KDM1B: variants seen among roughly 807,000 people sequenced by gnomAD.
KDM1B encodes lysine demethylase 1B.
In KDM1B, 63 loss-of-function variants were observed where a neutral mutation model predicts 107.4. The observed-to-expected ratio is 0.59, with a 90% CI of 0.48 to 0.72. The LOEUF (loss-of-function observed/expected upper bound fraction) is 0.72, where lower values mean the gene tolerates loss of function less well. Ranked by LOEUF, KDM1B falls within the 30% of genes least tolerant of loss-of-function variation. The probability of loss-of-function intolerance (pLI) is 0.00; values close to 1 mark genes in which losing one functional copy is unlikely to be tolerated. For synonymous variants in KDM1B, 363 were observed against 363.9 expected (o/e 1.00, Z 0.03); for missense variants, 749 against 1,020.8 (o/e 0.73, Z 3.63).
At position 18,174,585 on chromosome 6, in the gene KDM1B, G is replaced by A. The variant is rs148602655; in HGVS notation, c.534+3106G>A. ...ACCCGAGCAGTATACACTGCACCCT[G>A]TTTGTAGCCGTTTGTCCCTAGCCCC... is the stretch of plus-strand genomic sequence containing the variant. On this transcript the variant is annotated intron_variant, in intron 7 of 21. Transcript: ENST00000650836. Among the ~76,000 whole-genome samples the A allele has an allele frequency of 1.4e-3, 219 of 152,230 alleles. 2 individuals carry two copies. Among genetic ancestry groups the A allele is most frequent in the Middle Eastern group, 0.01 (3 of 294 alleles).
In KDM1B at chr6:18,166,396, C is replaced by A; in HGVS notation, c.417+18C>A. On this transcript the variant is annotated intron_variant, in intron 6 of 21. Transcript: ENST00000650836. ...CCTACTGGGTAAGGAGAGTGATGCTCTCTGTCTGTGAAGTATTTGTGGAGC... is the reference window on the plus strand; with the variant it reads ...CCTACTGGGTAAGGAGAGTGATGCTATCTGTCTGTGAAGTATTTGTGGAGC... 1 of 1,421,274 alleles carries A rather than the reference C, an allele frequency of 7.0e-7. No homozygotes were observed. The highest frequency in any genetic ancestry group is 1.0e-6 in the Non-Finnish European group (1 of 1,004,830). The allele number at this position is 1,421,274 out of a possible 1,614,324, so 88.0% of individuals were successfully genotyped here.
chr6:18,158,361 TC>T (rs1422467257), intron 2 of KDM1B, among the ~76,000 whole-genome samples: 1 of 143,488 alleles, frequency 7.0e-6, no homozygotes, highest in Admixed American at 6.9e-5. Context: ...AGGAAAATCA[TC>T]CGTAACATTG....
rs1788061473 is a variant in KDM1B, at chr6:18,201,962, CAT to C, written c.1531+306_1531+307del. Among the ~76,000 whole-genome samples, 1 of 152,138 alleles carries C rather than the reference CAT, an allele frequency of 6.6e-6. No individual in the cohort carries two copies. The highest frequency in any genetic ancestry group is 1.5e-5 in the Non-Finnish European group (1 of 68,018). ...CCAGAGTAGCTTACTTTTATGGGAA[CAT>C]GTGGTAAGCCCTGTGTGATAAATCA... On this transcript the variant is annotated intron_variant, in intron 14 of 21. Coordinates refer to ENST00000650836, the MANE Select transcript of KDM1B (RefSeq NM_001364614.2). The surrounding 1 kb of genome is among the most constrained non-coding windows in gnomAD (Gnocchi z 4.3).
Position 18,202,637 on chromosome 6 carries a change from T to C in KDM1B, c.1531+980T>C, listed in dbSNP as rs912173225. Among the ~76,000 whole-genome samples, 3 of 152,212 alleles carry C rather than the reference T, an allele frequency of 2.0e-5. No homozygotes were observed. The East Asian group carries it at 5.8e-4, about 29-fold the overall frequency. On this transcript the variant is annotated intron_variant, in intron 14 of 21. Coordinates refer to ENST00000650836, the MANE Select transcript of KDM1B (RefSeq NM_001364614.2). Reference sequence around the variant, plus strand: ...GTTGGAGTTTCTTGTAGTGTGAACATTGGAACTCAGTTTGCAAGGTGTTAA... The same window carrying C: ...GTTGGAGTTTCTTGTAGTGTGAACACTGGAACTCAGTTTGCAAGGTGTTAA...
At position 18,162,140 on chromosome 6, in the gene KDM1B, G is replaced by T. The variant is rs1381739370; in HGVS notation, c.215+686G>T. Among the ~76,000 whole-genome samples, 2 of 152,022 alleles carry T rather than the reference G, an allele frequency of 1.3e-5. No individual in the cohort carries two copies. The highest frequency in any genetic ancestry group is 2.9e-5 in the Non-Finnish European group (2 of 67,998). On this transcript the variant is annotated intron_variant, in intron 4 of 21. Coordinates refer to ENST00000650836, the MANE Select transcript of KDM1B (RefSeq NM_001364614.2). This position sits in a 1 kb window ranked among gnomAD's most constrained non-coding sequence, Gnocchi z 4.1. ...GTTCCAGACCAGCCTGGCCAACATG[G>T]TGAAACCCTGTCTCTACTAAAAATA...
In KDM1B at chr6:18,213,886, G is replaced by T; in HGVS notation, c.2109+105G>T. On this transcript the variant is annotated intron_variant, in intron 19 of 21. Transcript: ENST00000650836. The surrounding 1 kb of genome is among the most constrained non-coding windows in gnomAD (Gnocchi z 5.9). ...CTCAGGAACTAACGAACATCATGGA[G>T]ACCCTGGGTCTATGTTTATATTCTG... 1 of 1,258,408 alleles carries T rather than the reference G, an allele frequency of 7.9e-7. No homozygotes were observed. Among genetic ancestry groups the T allele is most frequent in the South Asian group, 1.3e-5 (1 of 76,722 alleles). The allele number at this position is 1,258,408 out of a possible 1,614,324, so 78.0% of individuals were successfully genotyped here.
In KDM1B at chr6:18,204,446, C is replaced by G. The variant is rs2150988379; in HGVS notation, c.1532-1091C>G. Among the ~76,000 whole-genome samples, 1 of 152,178 alleles carries G rather than the reference C, an allele frequency of 6.6e-6. No homozygotes were observed. Among genetic ancestry groups the G allele is most frequent in the East Asian group, 1.9e-4 (1 of 5,188 alleles). ...TCGGAATGGCACCACAGCACTCCAG[C>G]CTGGGTGACATGGTGAGACCCTATC... On this transcript the variant is annotated intron_variant, in intron 14 of 21. Coordinates refer to ENST00000650836, the MANE Select transcript of KDM1B (RefSeq NM_001364614.2). The surrounding 1 kb of genome is among the most constrained non-coding windows in gnomAD (Gnocchi z 4.9).
rs1786393039 is a variant in KDM1B at position 18,180,556 on chromosome 6, ATTTTGTTGTTGTGG to A, written c.535-5208_535-5195del. On this transcript the variant is annotated intron_variant, in intron 7 of 21. Transcript: ENST00000650836. ...ACTACATTAATCAATACTAGCTGTG[ATTTTGTTGTTGTGG>A]TTTTGTTTTGTTTGAGAAGGAGTCT... 2.0e-5 allele frequency among the ~76,000 whole-genome samples: 3 copies of A among 152,022 alleles called. No homozygotes were observed. The South Asian group carries it at 6.2e-4, about 32-fold the overall frequency.
At chr6:18,219,717 C>T (rs1273584532) in intron 21 of KDM1B, among the ~76,000 whole-genome samples, 2 of 152,144 alleles carry the variant, frequency 1.3e-5, no homozygotes, top group Admixed American at 6.5e-5. Flanking sequence ...GACTTAGATT[C>T]GAGCAAGGCA....
rs1789078270 is a variant in KDM1B at position 18,214,559 on chromosome 6, C to G, written c.2110-448C>G. Among the ~76,000 whole-genome samples the G allele has an allele frequency of 6.6e-6, 1 of 152,178 alleles. No individual in the cohort carries two copies. The highest frequency in any genetic ancestry group is 1.5e-5 in the Non-Finnish European group (1 of 68,040). On this transcript the variant is annotated intron_variant, in intron 19 of 21. Coordinates refer to ENST00000650836, the MANE Select transcript of KDM1B (RefSeq NM_001364614.2). This position sits in a 1 kb window ranked among gnomAD's most constrained non-coding sequence, Gnocchi z 4.4. ...AATGAGTGTTTGCGAGGAAAATGGA[C>G]TGGCGAGTGACGTGCGGATAAGGGA...
At chr6:18,217,678 T>A (rs775157442) in intron 20 of KDM1B, 55 bp from the exon 21 acceptor site, 108 of 1,505,986 alleles carry the variant, frequency 7.2e-5, no homozygotes, top group South Asian at 6.5e-4. Flanking sequence ...CACTGCGCCC[T>A]GCCATCTACA....
intron 10 of KDM1B, among the ~76,000 whole-genome samples, chr6:18,195,237 T>A (rs1014788725): frequency 1.3e-5 from 2 of 152,234 alleles, no homozygotes; most frequent in African/African-American, 4.8e-5. Context: ...ATACTGCTGC[T>A]GTGAACATTT....
At chr6:18,177,249 G>A (rs757955177) in intron 7 of KDM1B, among the ~76,000 whole-genome samples, 2 of 152,072 alleles carry the variant, frequency 1.3e-5, no homozygotes, top group Admixed American at 6.5e-5. Context: ...TAGATTATGT[G>A]CGTAAAAGTG....
At chr6:18,160,351 G>A (rs1195773691) in intron 3 of KDM1B, among the ~76,000 whole-genome samples, 1 of 152,174 alleles carries the variant, frequency 6.6e-6, no homozygotes, top group Non-Finnish European at 1.5e-5. Flanking sequence ...GGAGGGTTAT[G>A]TATAGGGCTT....
At chr6:18,179,137 T>C (rs1470410702) in intron 7 of KDM1B, among the ~76,000 whole-genome samples, 1 of 152,258 alleles carries the variant, frequency 6.6e-6, no homozygotes, top group African/African-American at 2.4e-5. Flanking sequence ...GGCTAATAGT[T>C]TTCCTGCATC....
chr6:18,183,327 GC>G lies in KDM1B; in HGVS notation c.535-2444del, dbSNP rs570290458. 7.1e-5 allele frequency among the ~76,000 whole-genome samples: 10 copies of G among 139,996 alleles called. No individual in the cohort carries two copies. The Admixed American group carries it at 7.9e-4, about 11-fold the overall frequency. The allele number at this position is 139,996 out of a possible 152,430, so 91.8% of individuals were successfully genotyped here. A position where few individuals can be genotyped will look rare whatever the true frequency, so the allele number is the denominator to read the frequency against. Reference sequence around the variant, plus strand: ...TTATTACCCAGGCTGGAGTGCAATGGCGCAGTCTCGGCTCATTGCAACCTCC... The same window carrying G: ...TTATTACCCAGGCTGGAGTGCAATGGGCAGTCTCGGCTCATTGCAACCTCC... On this transcript the variant is annotated intron_variant, in intron 7 of 21. Transcript: ENST00000650836.
At chr6:18,221,374 C>A (rs965477473) in intron 21 of KDM1B, among the ~76,000 whole-genome samples, 10 of 152,206 alleles carry the variant, frequency 6.6e-5, no homozygotes. Flanking sequence ...TTGTTCCCAC[C>A]ATAGCCATTC....
intron 3 of KDM1B, 100 bp downstream of exon 3, chr6:18,160,082 G>T: frequency 1.4e-6 from 1 of 737,338 alleles, no homozygotes; most frequent in Admixed American, 3.0e-5. Flanking sequence ...CAGCCCTCAA[G>T]TTGCTTGTAT....
At chr6:18,182,796 G>T (rs932896330) in intron 7 of KDM1B, among the ~76,000 whole-genome samples, 2 of 152,132 alleles carry the variant, frequency 1.3e-5, no homozygotes, top group African/African-American at 2.4e-5. Context: ...CTCCCAAAGT[G>T]CTGGGATCAC....
Sources: gnomAD v4.1 joint callset for allele counts (sites outside exome capture counted in the v4.1 genomes callset) on GRCh38, gnomAD v4.1.1 for gene constraint, Gnocchi (gnomAD v3.1) non-coding constraint, MANE v1.5 for transcripts, NCBI Gene and HGNC (gene_info 2026-07-23, HGNC 2026-07-21) for gene names.